IER5L: variants seen among roughly 807,000 people sequenced by gnomAD.
The protein encoded by IER5L is immediate early response 5 like.
IER5L carries 6 observed loss-of-function variants against 28.3 expected under a neutral mutation model. The ratio of observed to expected loss-of-function variants is 0.21; its 90% CI spans 0.12 to 0.42. IER5L has a LOEUF of 0.42. IER5L is among the 10% of genes least tolerant of loss of function. The pLI is 1.00. For missense variants in IER5L, 607 were observed against 575.2 expected (o/e 1.06, Z -0.56); for synonymous variants, 351 against 282.5 (o/e 1.24, Z -2.43).
Position 129,178,101 on chromosome 9 carries a change from ACGCTT to A in IER5L, c.-54_-50del. 1 of 1,358,402 alleles carries A rather than the reference ACGCTT, an allele frequency of 7.4e-7. No individual in the cohort carries two copies. Among genetic ancestry groups the A allele is most frequent in the Non-Finnish European group, 9.5e-7 (1 of 1,051,498 alleles). 84.1% of individuals were successfully genotyped at this position (1,358,402 alleles called of 1,614,324 possible). A position where few individuals can be genotyped will look rare whatever the true frequency, so the allele number is the denominator to read the frequency against. Reference sequence around the variant, plus strand: ...GCAGCCGCCGCCGCTGCTGCTGTTAACGCTTCTGCTGTTTCTGCCTCCAGCCGGCC... The same window carrying A: ...GCAGCCGCCGCCGCTGCTGCTGTTAACTGCTGTTTCTGCCTCCAGCCGGCC... On this transcript the variant is annotated 5_prime_UTR_variant, in exon 1 of 1. Transcript: ENST00000372491.
Position 129,177,936 on chromosome 9 carries a change from C to T in IER5L, c.117G>A (p.Val39=). The part of the protein sequence containing the change: ...KLHKNLLVSY[V]LRNARQLYLS... ...GGTAGAGCTGGCGCGCGTTGCGGAG[C>T]ACGTAGGACACCAGGAGGTTCTTGT... Residue 39 remains valine, a synonymous_variant, in exon 1 of 1, where the codon GTG becomes GTA. Coordinates refer to ENST00000372491, the MANE Select transcript of IER5L (RefSeq NM_203434.3). 1 of 1,576,108 alleles carries T rather than the reference C, an allele frequency of 6.3e-7. No individual in the cohort carries two copies.
rs375822443 is a variant in IER5L, at chr9:129,177,971, T to C, written c.82A>G (p.Ile28Val). 3.1e-5 allele frequency: 49 copies of C among 1,592,530 alleles called. No individual in the cohort carries two copies. Among genetic ancestry groups the C allele is most frequent in the Admixed American group, 1.2e-4 (7 of 57,896 alleles). Residue 28 changes from isoleucine (I) to valine (V), a missense_variant, in exon 1 of 1, where the codon ATC (isoleucine) becomes GTC (valine). Ile to Val is a conservative substitution (Grantham distance 29). Coordinates refer to ENST00000372491, the MANE Select transcript of IER5L (RefSeq NM_203434.3). Reference protein sequence around the residue: ...IHSSRTQRGGIKLHKNLLVSY... With the variant: ...IHSSRTQRGGVKLHKNLLVSY... ...ACCAGGAGGTTCTTGTGCAGCTTGATGCCGCCGCGCTGGGTTCGGGAGCTG... is the reference window on the plus strand; with the variant it reads ...ACCAGGAGGTTCTTGTGCAGCTTGACGCCGCCGCGCTGGGTTCGGGAGCTG...
chr9:129,177,477 G>GGGCGGC lies in IER5L; in HGVS notation c.570_575dup (p.Pro191_Pro192dup), dbSNP rs1554742183. On this transcript the variant is annotated inframe_insertion, in exon 1 of 1. Coordinates refer to ENST00000372491, the MANE Select transcript of IER5L (RefSeq NM_203434.3). Reference sequence around the variant, plus strand: ...CCCGCGGGCAGAGCGCAGCGGGCGCGGGCGGCGGCAGCGGCAGCGGCAGCG... The same window carrying GGGCGGC: ...CCCGCGGGCAGAGCGCAGCGGGCGCGGGCGGCGGCGGCGGCAGCGGCAGCGGCAGCG... 14 of 996,032 alleles carry GGGCGGC rather than the reference G, an allele frequency of 1.4e-5. No individual in the cohort carries two copies. In the Admixed American group the frequency reaches 1.8e-4, roughly 13 times the overall value. 61.7% of individuals were successfully genotyped at this position (996,032 alleles called of 1,614,324 possible).
Position 129,177,213 on chromosome 9 carries a change from G to A in IER5L, c.840C>T (p.Ala280=), listed in dbSNP as rs753744356. Residue 280 remains alanine (A), a synonymous_variant, in exon 1 of 1, where the codon GCC becomes GCT. Transcript: ENST00000372491. ...CGCCCTGGCCACAGCAGGGGCAGTGGGCGGAGGCGCAGCAGTCCTGGTGCA... is the reference window on the plus strand; with the variant it reads ...CGCCCTGGCCACAGCAGGGGCAGTGAGCGGAGGCGCAGCAGTCCTGGTGCA... ...GYLHQDCCAS[A]HCPCCGQGAP... 7 of 1,473,434 alleles carry A rather than the reference G, an allele frequency of 4.8e-6. No homozygotes were observed. The highest frequency in any genetic ancestry group is 4.5e-6 in the Non-Finnish European group (5 of 1,120,738). The allele number at this position is 1,473,434 out of a possible 1,614,324, so 91.3% of individuals were successfully genotyped here.
At position 129,176,646 on chromosome 9, in the gene IER5L, T is replaced by TA. The variant is rs1829404025; in HGVS notation, c.*191dup. 1 of 767,104 alleles carries TA rather than the reference T, an allele frequency of 1.3e-6. No homozygotes were observed. Among genetic ancestry groups the TA allele is most frequent in the Non-Finnish European group, 1.8e-6 (1 of 543,760 alleles). The allele number at this position is 767,104 out of a possible 1,614,324, so 47.5% of individuals were successfully genotyped here. On this transcript the variant is annotated 3_prime_UTR_variant, in exon 1 of 1. Coordinates refer to ENST00000372491, the MANE Select transcript of IER5L (RefSeq NM_203434.3). ...TAGGCGCTTTTTCTCTCTGCAAAAA[T>TA]AAAGTCCAAGATTTTAGATTTCTTT...
In IER5L at chr9:129,178,225, G is replaced by C. The variant is rs959502133; in HGVS notation, c.-173C>G. On this transcript the variant is annotated 5_prime_UTR_variant, in exon 1 of 1. Coordinates refer to ENST00000372491, the MANE Select transcript of IER5L (RefSeq NM_203434.3). Reference sequence around the variant, plus strand: ...CCACCATGCGCCGCGCGCCACCCGCGGGCTCGCGCTCCCCAGACGGCGCCA... The same window carrying C: ...CCACCATGCGCCGCGCGCCACCCGCCGGCTCGCGCTCCCCAGACGGCGCCA... 96 of 493,708 alleles carry C rather than the reference G, an allele frequency of 1.9e-4. No individual in the cohort carries two copies. The highest frequency in any genetic ancestry group is 3.1e-4 in the Admixed American group (7 of 22,738). 30.6% of individuals were successfully genotyped at this position (493,708 alleles called of 1,614,324 possible). A position where few individuals can be genotyped will look rare whatever the true frequency, so the allele number is the denominator to read the frequency against.
rs930281635 is a variant in IER5L at position 129,176,637 on chromosome 9, C to T, written c.*201G>A. 5 of 701,384 alleles carry T rather than the reference C, an allele frequency of 7.1e-6. No individual in the cohort carries two copies. The highest frequency in any genetic ancestry group is 1.0e-5 in the Non-Finnish European group (5 of 484,982). The allele number at this position is 701,384 out of a possible 1,614,324, so 43.4% of individuals were successfully genotyped here. ...ATACTTAAATAGGCGCTTTTTCTCT[C>T]TGCAAAAATAAAGTCCAAGATTTTA... On this transcript the variant is annotated 3_prime_UTR_variant, in exon 1 of 1. Transcript: ENST00000372491.
In IER5L at chr9:129,178,090, T is replaced by G. The variant is rs766058311; in HGVS notation, c.-38A>C. ...ACGGCGGCGGAGCAGCCGCCGCCGC[T>G]GCTGCTGTTAACGCTTCTGCTGTTT... On this transcript the variant is annotated 5_prime_UTR_variant, in exon 1 of 1. Transcript: ENST00000372491. 3 of 1,375,516 alleles carry G rather than the reference T, an allele frequency of 2.2e-6. No homozygotes were observed. Among genetic ancestry groups the G allele is most frequent in the South Asian group, 1.7e-5 (1 of 58,812 alleles). The allele number at this position is 1,375,516 out of a possible 1,614,324, so 85.2% of individuals were successfully genotyped here. A position where few individuals can be genotyped will look rare whatever the true frequency, so the allele number is the denominator to read the frequency against.
At position 129,177,245 on chromosome 9, in the gene IER5L, C is replaced by G; in HGVS notation, c.808G>C (p.Gly270Arg). The change falls in exon 1 of 1, where the codon GGC (glycine) becomes CGC (arginine). Residue 270 changes from glycine to arginine, a missense_variant. Transcript: ENST00000372491. The part of the protein sequence containing the change: ...DTHVVTTVEN[G>R]YLHQDCCASA... ...GCGCAGCAGTCCTGGTGCAAGTAGCCGTTCTCCACCGTGGTCACCACGTGA... is the reference window on the plus strand; with the variant it reads ...GCGCAGCAGTCCTGGTGCAAGTAGCGGTTCTCCACCGTGGTCACCACGTGA... The G allele has an allele frequency of 4.8e-6, 7 of 1,464,408 alleles. No homozygotes were observed. The highest frequency in any genetic ancestry group is 2.9e-5 in the South Asian group (2 of 69,218). 90.7% of individuals were successfully genotyped at this position (1,464,408 alleles called of 1,614,324 possible).
rs1445453902 is a variant in IER5L at position 129,177,470 on chromosome 9, C to A, written c.583G>T (p.Ala195Ser). 1 of 996,838 alleles carries A rather than the reference C, an allele frequency of 1.0e-6. No homozygotes were observed. Among genetic ancestry groups the A allele is most frequent in the Non-Finnish European group, 1.2e-6 (1 of 839,050 alleles). The allele number at this position is 996,838 out of a possible 1,614,324, so 61.7% of individuals were successfully genotyped here. A position where few individuals can be genotyped will look rare whatever the true frequency, so the allele number is the denominator to read the frequency against. The change falls in exon 1 of 1, where the codon GCT becomes TCT. Residue 195 changes from alanine to serine, a missense_variant. Physicochemically the swap from Ala to Ser is moderately conservative, Grantham distance 99. Transcript: ENST00000372491. ...CGAGGGTCCCGCGGGCAGAGCGCAG[C>A]GGGCGCGGGCGGCGGCAGCGGCAGC... Reference protein sequence around the residue: ...LPLPLPPPAPAALCPRDPRAP... With the variant: ...LPLPLPPPAPSALCPRDPRAP...
rs111826542 is a variant in IER5L, at chr9:129,176,668, CTTTT to C, written c.*166_*169del. ...AAATAAAGTCCAAGATTTTAGATTT[CTTTT>C]TTTTTTATTTTACAATTTATAAAAC... On this transcript the variant is annotated 3_prime_UTR_variant, in exon 1 of 1. Transcript: ENST00000372491. 104 of 824,050 alleles carry C rather than the reference CTTTT, an allele frequency of 1.3e-4. No homozygotes were observed. In the Middle Eastern group the frequency reaches 1.7e-3, roughly 13 times the overall value. 51.0% of individuals were successfully genotyped at this position (824,050 alleles called of 1,614,324 possible).
chr9:129,178,036 TC>T lies in IER5L; in HGVS notation c.16del (p.Asp6ThrfsTer5). On this transcript the variant is annotated frameshift_variant, in exon 1 of 1. Transcript: ENST00000372491. LOFTEE classifies it high-confidence loss of function. Reference protein sequence around the residue: MECALDAQSLISISLR... With the variant: MECALXAQSLISISLR... ...GGAGATGCTGATCAGGCTCTGGGCG[TC>T]CAGGGCGCACTCCATGCTCCCGCGG... 6.6e-7 allele frequency: 1 copy of T among 1,509,286 alleles called. No individual in the cohort carries two copies. The highest frequency in any genetic ancestry group is 8.9e-7 in the Non-Finnish European group (1 of 1,126,570). 93.5% of individuals were successfully genotyped at this position (1,509,286 alleles called of 1,614,324 possible).
rs578090653 is a variant in IER5L at position 129,177,693 on chromosome 9, C to CAGCTGGTGG, written c.351_359dup (p.Gln119_His121dup). 42 of 1,421,548 alleles carry CAGCTGGTGG rather than the reference C, an allele frequency of 3.0e-5. No homozygotes were observed. Among genetic ancestry groups the CAGCTGGTGG allele is most frequent in the Admixed American group, 1.6e-4 (6 of 37,254 alleles). 88.1% of individuals were successfully genotyped at this position (1,421,548 alleles called of 1,614,324 possible). Reference sequence around the variant, plus strand: ...GCTGGTGCAGCTGCTGCTGGAGGTGCAGCTGGTGGAGCTGGTGGAGCTGGT... The same window carrying CAGCTGGTGG: ...GCTGGTGCAGCTGCTGCTGGAGGTGCAGCTGGTGGAGCTGGTGGAGCTGGTGGAGCTGGT... On this transcript the variant is annotated inframe_insertion, in exon 1 of 1. Coordinates refer to ENST00000372491, the MANE Select transcript of IER5L (RefSeq NM_203434.3).
At position 129,177,477 on chromosome 9, in the gene IER5L, G is replaced by GGGCGGCGGCAGC. The variant is rs1263704672; in HGVS notation, c.564_575dup (p.Leu189_Pro192dup). On this transcript the variant is annotated inframe_insertion, in exon 1 of 1. Coordinates refer to ENST00000372491, the MANE Select transcript of IER5L (RefSeq NM_203434.3). ...CCCGCGGGCAGAGCGCAGCGGGCGC[G>GGGCGGCGGCAGC]GGCGGCGGCAGCGGCAGCGGCAGCG... is the stretch of plus-strand genomic sequence containing the variant. The GGGCGGCGGCAGC allele has an allele frequency of 2.1e-3, 2,067 of 996,136 alleles. 5 individuals carry two copies. Among genetic ancestry groups the GGGCGGCGGCAGC allele is most frequent in the Non-Finnish European group, 2.3e-3 (1,968 of 839,382 alleles). The allele number at this position is 996,136 out of a possible 1,614,324, so 61.7% of individuals were successfully genotyped here. A position where few individuals can be genotyped will look rare whatever the true frequency, so the allele number is the denominator to read the frequency against.
chr9:129,176,087 G>C lies in IER5L; in HGVS notation c.*751C>G, dbSNP rs1318538006. On this transcript the variant is annotated 3_prime_UTR_variant, in exon 1 of 1. Transcript: ENST00000372491. ...GCCCCCCACCCCTTACCCAGTGTCC[G>C]AGAGTGTCGGGGTGTCAGGCGCCAC... 6.6e-6 allele frequency: 1 copy of C among 151,238 alleles called. No homozygotes were observed. The highest frequency in any genetic ancestry group is 2.4e-5 in the African/African-American group (1 of 41,042). The allele number at this position is 151,238 out of a possible 1,614,324, so 9.4% of individuals were successfully genotyped here.
rs765827700 is a variant in IER5L, at chr9:129,177,933, G to A, written c.120C>T (p.Leu40=). 3.8e-6 allele frequency: 6 copies of A among 1,574,458 alleles called. No individual in the cohort carries two copies. Among genetic ancestry groups the A allele is most frequent in the Admixed American group, 3.7e-5 (2 of 54,112 alleles). Residue 40 remains leucine, a synonymous_variant, in exon 1 of 1, where the codon CTC becomes CTT. Transcript: ENST00000372491. The part of the protein sequence containing the change: ...LHKNLLVSYV[L]RNARQLYLSE... ...TCAGGTAGAGCTGGCGCGCGTTGCG[G>A]AGCACGTAGGACACCAGGAGGTTCT...
In IER5L at chr9:129,178,005, G is replaced by A; in HGVS notation, c.48C>T (p.Arg16=). 6.4e-7 allele frequency: 1 copy of A among 1,568,662 alleles called. No homozygotes were observed. Among genetic ancestry groups the A allele is most frequent in the African/African-American group, 1.4e-5 (1 of 71,426 alleles). Residue 16 remains arginine, a synonymous_variant, in exon 1 of 1, where the codon CGC becomes CGT. Transcript: ENST00000372491. ...DAQSLISISL[R]KIHSSRTQRG... ...GCTGGGTTCGGGAGCTGTGGATCTT[G>A]CGCAGGGAGATGCTGATCAGGCTCT...
In IER5L at chr9:129,178,140, G is replaced by A; in HGVS notation, c.-88C>T. ...TCTGCCTCCAGCCGGCCGCCGGGGCGCGCCGGGCAGGGGTAACGGAGTCCG... is the reference window on the plus strand; with the variant it reads ...TCTGCCTCCAGCCGGCCGCCGGGGCACGCCGGGCAGGGGTAACGGAGTCCG... On this transcript the variant is annotated 5_prime_UTR_variant, in exon 1 of 1. Coordinates refer to ENST00000372491, the MANE Select transcript of IER5L (RefSeq NM_203434.3). 3.4e-6 allele frequency: 4 copies of A among 1,181,572 alleles called. No individual in the cohort carries two copies. The South Asian group carries it at 8.3e-5, about 25-fold the overall frequency. 73.2% of individuals were successfully genotyped at this position (1,181,572 alleles called of 1,614,324 possible). A position where few individuals can be genotyped will look rare whatever the true frequency, so the allele number is the denominator to read the frequency against.
At position 129,176,847 on chromosome 9, in the gene IER5L, G is replaced by C. The variant is rs2274722; in HGVS notation, c.1206C>G (p.Val402=). The C allele has an allele frequency of 9.1e-3, 14,489 of 1,593,366 alleles. 690 individuals are homozygous for C. The East Asian group carries it at 0.17, about 18-fold the overall frequency. The stretch of plus-strand genomic sequence containing the variant: ...GTGCCCTCGGGGGTCCCTAGAAGGC[G>C]ACAATGGCTCGAGTCCAGGCGCCGA... The part of the protein sequence containing the change: ...ASLGAWTRAI[V]AF Residue 402 remains valine, a synonymous_variant, in exon 1 of 1, where the codon GTC becomes GTG. Coordinates refer to ENST00000372491, the MANE Select transcript of IER5L (RefSeq NM_203434.3).
Sources: gnomAD v4.1 joint callset for allele counts on GRCh38, gnomAD v4.1.1 for gene constraint, MANE v1.5 for transcripts, NCBI Gene and HGNC (gene_info 2026-07-23, HGNC 2026-07-21) for gene names.